Variants in IGF2R observed in about 807,000 individuals in gnomAD.
IGF2R encodes the protein cation-independent mannose-6-phosphate receptor.
Under a neutral mutation model 270.6 loss-of-function variants are expected in IGF2R, and 91 were observed. The observed-to-expected ratio is 0.34, with a 90% CI of 0.28 to 0.40. IGF2R has a LOEUF of 0.40. Ranked by LOEUF, IGF2R falls within the 10% of genes least tolerant of loss-of-function variation. The probability of loss-of-function intolerance (pLI) is 1.00; values close to 1 mark genes in which losing one functional copy is unlikely to be tolerated. For synonymous variants in IGF2R, 1,316 were observed against 1,258.9 expected, an observed-to-expected ratio of 1.05 and a Z score of -0.96; for missense variants, 2,805 against 3,188.3, an observed-to-expected ratio of 0.88 and a Z score of 2.90.
chr6:160,007,969 CA>C (rs1263446403), intron 2 of IGF2R, among the ~76,000 whole-genome samples: 2 of 152,164 alleles, frequency 1.3e-5, no homozygotes, highest in African/African-American at 4.8e-5. Context: ...TCCATTTAGA[CA>C]GGGGTGTCCA....
chr6:160,021,455 C>A (rs1397733358), intron 4 of IGF2R, among the ~76,000 whole-genome samples: 12 of 76,034 alleles, frequency 1.6e-4, no homozygotes, highest in East Asian at 1.5e-3. Context: ...GGGTGGGGGG[C>A]GGGGGGAGGG....
intron 2 of IGF2R, chr6:160,005,922 G>A: frequency 6.4e-6 from 1 of 156,264 alleles, no homozygotes. Context: ...CGGCCGCCGT[G>A]CCTCCCCGCA....
At chr6:160,063,347 C>CA in intron 26 of IGF2R, 68 bp from the exon 27 acceptor site, 1 of 1,289,718 alleles carries the variant, frequency 7.8e-7, no homozygotes, top group Non-Finnish European at 1.1e-6. Context: ...ATTTGTAAAG[C>CA]TTTTTGCTTG....
chr6:160,099,015 A>G (rs995003922), intron 45 of IGF2R, among the ~76,000 whole-genome samples: 4 of 152,212 alleles, frequency 2.6e-5, no homozygotes, highest in Non-Finnish European at 4.4e-5. Flanking sequence ...CTTTACAAAA[A>G]TGGTTCTTTC....
In IGF2R at chr6:160,064,488, G is replaced by T; in HGVS notation, c.3974G>T (p.Arg1325Leu). The T allele has an allele frequency of 1.2e-6, 2 of 1,614,090 alleles. No individual in the cohort carries two copies. Among genetic ancestry groups the T allele is most frequent in the South Asian group, 2.2e-5 (2 of 91,076 alleles). Residue 1325 changes from arginine to leucine, a missense_variant, in exon 28 of 48, where the codon CGC becomes CTC. By Grantham distance (102) the Arg-to-Leu change is moderately radical. This residue lies in a region of IGF2R where 1,851 missense variants were observed against 2,207.2 expected (regional missense o/e 0.84). Transcript: ENST00000356956. ...GACACTTGCCATAAGGTTTATCAGC[G>T]CTCCACAGCCATCTTCTTCTACTGT... ...GGDTCHKVYQRSTAIFFYCDR... is the reference protein window; with the variant it reads ...GGDTCHKVYQLSTAIFFYCDR...
At position 160,050,482 on chromosome 6, in the gene IGF2R, A is replaced by G. The variant is rs1162464204; in HGVS notation, c.2524A>G (p.Thr842Ala). Residue 842 changes from threonine to alanine, a missense_variant, in exon 19 of 48, where the codon ACT (threonine) becomes GCT (alanine). Thr to Ala is a moderately conservative substitution (Grantham distance 58). This residue lies in a region of IGF2R where 1,851 missense variants were observed against 2,207.2 expected (regional missense o/e 0.84). Coordinates refer to ENST00000356956, the MANE Select transcript of IGF2R (RefSeq NM_000876.4). This position sits in a 1 kb window ranked among gnomAD's most constrained non-coding sequence, Gnocchi z 4.0. ...ACTGGTTTTCTTGCAGGGCTCCTTC[A>G]CTGAAGTGGTTTCCATCAGTAACTT... Reference protein sequence around the residue: ...MKYEKDQGSFTEVVSISNLGM... With the variant: ...MKYEKDQGSFAEVVSISNLGM... 23 of 1,611,024 alleles carry G rather than the reference A, an allele frequency of 1.4e-5. No homozygotes were observed. Among genetic ancestry groups the G allele is most frequent in the Non-Finnish European group, 2.0e-5 (23 of 1,177,480 alleles).
chr6:160,075,358 C>T (rs1192760202), intron 35 of IGF2R, among the ~76,000 whole-genome samples: 1 of 152,218 alleles, frequency 6.6e-6, no homozygotes, highest in Non-Finnish European at 1.5e-5. Flanking sequence ...CTCCCAAGGA[C>T]ATAGCCAGTG....
intron 6 of IGF2R, among the ~76,000 whole-genome samples, chr6:160,028,208 G>A (rs1429816623): frequency 6.6e-6 from 1 of 152,200 alleles, no homozygotes; most frequent in Non-Finnish European, 1.5e-5. Flanking sequence ...TCCTTGGCTC[G>A]TTAGATGGCC....
chr6:160,062,832 T>C (rs1354935255), intron 26 of IGF2R, among the ~76,000 whole-genome samples: 1 of 151,848 alleles, frequency 6.6e-6, no homozygotes, highest in Non-Finnish European at 1.5e-5. Context: ...GTGCCTGGAT[T>C]GATGGGATTT....
chr6:160,052,624 A>G (rs1778224442), intron 19 of IGF2R, among the ~76,000 whole-genome samples: 1 of 152,244 alleles, frequency 6.6e-6, no homozygotes, highest in African/African-American at 2.4e-5. Flanking sequence ...CCACATTGCC[A>G]AGACAATCCT....
At chr6:159,971,849 G>A (rs543078618) in intron 1 of IGF2R, among the ~76,000 whole-genome samples, 3 of 152,230 alleles carry the variant, frequency 2.0e-5, no homozygotes, top group Admixed American at 6.5e-5. Flanking sequence ...TAGAGATGAC[G>A]TCTTGCTATG....
chr6:159,988,198 C>A (rs1783918319), intron 1 of IGF2R, among the ~76,000 whole-genome samples: 1 of 152,074 alleles, frequency 6.6e-6, no homozygotes, highest in South Asian at 2.1e-4. Context: ...ATCCCCTTTG[C>A]AAGAATGGTG....
chr6:160,059,282 G>A (rs1703190481), intron 22 of IGF2R, among the ~76,000 whole-genome samples, 184 bp downstream of exon 22: 1 of 151,634 alleles, frequency 6.6e-6, no homozygotes, highest in African/African-American at 2.4e-5. Context: ...CAGGGGTCCC[G>A]TTATCCGTGG....
At chr6:160,074,399 C>T (rs1001263310) in intron 35 of IGF2R, among the ~76,000 whole-genome samples, 3 of 152,230 alleles carry the variant, frequency 2.0e-5, no homozygotes, top group African/African-American at 4.8e-5. Flanking sequence ...GGCAAGAGTA[C>T]GTTTGCTAAT....
chr6:160,077,934 G>A (rs1227489019), intron 36 of IGF2R, among the ~76,000 whole-genome samples: 2 of 152,186 alleles, frequency 1.3e-5, no homozygotes, highest in African/African-American at 2.4e-5. Context: ...CTTTGAACCC[G>A]TAGCACAGAA....
intron 11 of IGF2R, among the ~76,000 whole-genome samples, chr6:160,041,447 A>G (rs542587027): frequency 1.1e-4 from 16 of 152,222 alleles, no homozygotes; most frequent in Non-Finnish European, 2.1e-4. Flanking sequence ...ACACATGGGC[A>G]CAGAGGGGAA....
intron 1 of IGF2R, among the ~76,000 whole-genome samples, chr6:159,972,696 A>G (rs1783628195): frequency 6.6e-6 from 1 of 152,218 alleles, no homozygotes; most frequent in East Asian, 1.9e-4. Flanking sequence ...CACTCCTGGG[A>G]TGGGGTGCGG....
intron 1 of IGF2R, among the ~76,000 whole-genome samples, chr6:159,971,211 T>TA (rs1023907874): frequency 2.0e-5 from 3 of 152,244 alleles, no homozygotes; most frequent in African/African-American, 7.2e-5. Context: ...GGCAGACTGA[T>TA]ACTTTGGCTG....
intron 19 of IGF2R, among the ~76,000 whole-genome samples, chr6:160,055,196 A>G (rs1297957659): frequency 1.3e-5 from 2 of 152,276 alleles, no homozygotes; most frequent in African/African-American, 2.4e-5. Context: ...GGAGATGCCT[A>G]GGTTGCCCAG....
Sources: allele counts gnomAD v4.1 joint callset (sites outside exome capture counted in the v4.1 genomes callset), GRCh38; gene constraint gnomAD v4.1.1; regional missense constraint gnomAD v4.1.1; non-coding constraint Gnocchi (gnomAD v3.1); transcripts MANE v1.5; gene names NCBI Gene and HGNC (gene_info 2026-07-23, HGNC 2026-07-21).